The following PRKCE variants were observed in gnomAD, a reference collection of about 807,000 sequenced individuals.
PRKCE encodes protein kinase C epsilon, also known as protein kinase C epsilon type.
Under a neutral mutation model 85.4 loss-of-function variants are expected in PRKCE, and 16 were observed. The observed-to-expected ratio is 0.19, with a 90% CI of 0.13 to 0.28. The LOEUF is 0.28. Among genes scored for constraint, PRKCE ranks in the 10% least tolerant of loss-of-function variants. PRKCE has a pLI of 1.00. For missense variants in PRKCE, 573 were observed against 975.2 expected (o/e 0.59, Z 5.49); for synonymous variants, 388 against 371.5 (o/e 1.04, Z -0.51).
intron 2 of PRKCE, among the ~76,000 whole-genome samples, chr2:45,866,788 G>T (rs1693652680): frequency 1.3e-5 from 2 of 152,138 alleles, no homozygotes; most frequent in Non-Finnish European, 2.9e-5. Context: ...TGCGTCCAGG[G>T]GCTGCCATAC....
chr2:45,879,602 C>A (rs1332236530), intron 2 of PRKCE, among the ~76,000 whole-genome samples: 1 of 152,334 alleles, frequency 6.6e-6, no homozygotes, highest in Admixed American at 6.5e-5. Context: ...TGCCACAGGG[C>A]CCGAGTGGAG....
chr2:45,689,901 CAAA>C (rs559521203), intron 1 of PRKCE, among the ~76,000 whole-genome samples: 7 of 81,992 alleles, frequency 8.5e-5, no homozygotes, highest in Admixed American at 1.3e-4. Flanking sequence ...GACTCCATCT[CAAA>C]AAAAAAAAAA....
At position 46,159,525 on chromosome 2, in the gene PRKCE, T is replaced by C. The variant is rs1347067980; in HGVS notation, c.1921-81T>C. ...GGAGGCGATGCTGAAGATGCTGCTTTGGCTGACCTCCATCTGTCCCTTATA... is the reference window on the plus strand; with the variant it reads ...GGAGGCGATGCTGAAGATGCTGCTTCGGCTGACCTCCATCTGTCCCTTATA... On this transcript the variant is annotated intron_variant, in intron 13 of 14. Transcript: ENST00000306156. The surrounding 1 kb of genome is among the most constrained non-coding windows in gnomAD (Gnocchi z 4.1). 3 of 1,429,892 alleles carry C rather than the reference T, an allele frequency of 2.1e-6. No homozygotes were observed. The highest frequency in any genetic ancestry group is 5.2e-5 in the Admixed American group (2 of 38,722). 88.6% of individuals were successfully genotyped at this position (1,429,892 alleles called of 1,614,324 possible).
intron 10 of PRKCE, among the ~76,000 whole-genome samples, chr2:46,052,347 C>G (rs1020189500): frequency 6.6e-6 from 1 of 152,182 alleles, no homozygotes; most frequent in Non-Finnish European, 1.5e-5. Flanking sequence ...GTTCTTTATA[C>G]TAGCAATGAA....
intron 2 of PRKCE, among the ~76,000 whole-genome samples, chr2:45,867,006 C>T (rs552666615): frequency 6.6e-6 from 1 of 152,336 alleles, no homozygotes; most frequent in East Asian, 1.9e-4. Context: ...AGGTCCCACT[C>T]CAGACCAGCT....
At chr2:46,090,501 C>T (rs957691818) in intron 11 of PRKCE, among the ~76,000 whole-genome samples, 3 of 152,150 alleles carry the variant, frequency 2.0e-5, no homozygotes, top group African/African-American at 4.8e-5. Flanking sequence ...TAAGACAGTA[C>T]CCTACTGGCA....
At position 45,652,193 on chromosome 2, in the gene PRKCE, C is replaced by T; in HGVS notation, c.93C>T (p.Pro31=). The change falls in exon 1 of 15, where the codon CCC becomes CCT. Residue 31 remains proline (P), a synonymous_variant. Transcript: ENST00000306156. The surrounding 1 kb of genome is among the most constrained non-coding windows in gnomAD (Gnocchi z 7.7). ...TAWSLRHAVG[P]RPQTFLLDPY... is the part of the protein sequence containing the mutation. ...GGTCGCTGCGCCATGCGGTGGGACC[C>T]CGGCCGCAGACTTTCCTTCTCGACC... 6.2e-7 allele frequency: 1 copy of T among 1,613,586 alleles called. No individual in the cohort carries two copies. The highest frequency in any genetic ancestry group is 8.5e-7 in the Non-Finnish European group (1 of 1,179,930).
rs555267971 is a variant in PRKCE at position 45,960,539 on chromosome 2, A to G, written c.413-15890A>G. On this transcript the variant is annotated intron_variant, in intron 2 of 14. Transcript: ENST00000306156. ...AGATCCCTCACGTGTGCAGTTTACA[A>G]TAGGGTTCCCGCTCCTATGAGAATC... 1.6e-4 allele frequency among the ~76,000 whole-genome samples: 24 copies of G among 152,244 alleles called. No individual in the cohort carries two copies. In the South Asian group the frequency reaches 4.8e-3, roughly 30 times the overall value.
intron 10 of PRKCE, among the ~76,000 whole-genome samples, chr2:46,025,225 A>G (rs1707008430): frequency 6.6e-6 from 1 of 152,228 alleles, no homozygotes; most frequent in Non-Finnish European, 1.5e-5. Flanking sequence ...CAGCAGTGCT[A>G]GGCAGAGTAA....
chr2:45,802,271 G>C (rs1335899967), intron 1 of PRKCE, among the ~76,000 whole-genome samples: 4 of 151,970 alleles, frequency 2.6e-5, no homozygotes, highest in African/African-American at 9.7e-5. Context: ...TCATACATGA[G>C]TAAATAAATA....
chr2:45,744,176 A>C (rs1682832870), intron 1 of PRKCE, among the ~76,000 whole-genome samples: 1 of 152,200 alleles, frequency 6.6e-6, no homozygotes, highest in African/African-American at 2.4e-5. Context: ...GTTGTTTGTC[A>C]TGAGACATAA....
intron 1 of PRKCE, among the ~76,000 whole-genome samples, chr2:45,838,890 T>C (rs1277458886): frequency 1.3e-5 from 2 of 152,166 alleles, no homozygotes; most frequent in African/African-American, 4.8e-5. Context: ...AGAAATAACA[T>C]TGGACTAAGA....
chr2:46,105,524 ACC>A (rs1671636353), intron 11 of PRKCE, among the ~76,000 whole-genome samples: 1 of 151,208 alleles, frequency 6.6e-6, no homozygotes, highest in African/African-American at 2.4e-5. Context: ...ACAGATGCAT[ACC>A]TCAATCTGTG....
intron 2 of PRKCE, among the ~76,000 whole-genome samples, chr2:45,966,867 G>T (rs751303395): frequency 6.6e-5 from 10 of 152,240 alleles, no homozygotes; most frequent in Admixed American, 1.3e-4. Context: ...GTTCTGCAGG[G>T]TCAGGGATGA....
chr2:45,727,614 G>C (rs1681188502), intron 1 of PRKCE, among the ~76,000 whole-genome samples: 2 of 152,068 alleles, frequency 1.3e-5, no homozygotes. Flanking sequence ...GCATTGGTTG[G>C]ACTCTGCTTC....
intron 1 of PRKCE, among the ~76,000 whole-genome samples, chr2:45,815,841 T>C (rs1224107385): frequency 6.6e-6 from 1 of 152,198 alleles, no homozygotes; most frequent in Non-Finnish European, 1.5e-5. Context: ...TGCCTTCCAG[T>C]TAGGTGACCT....
intron 14 of PRKCE, among the ~76,000 whole-genome samples, chr2:46,166,050 T>A (rs1055903300): frequency 6.6e-6 from 1 of 152,214 alleles, no homozygotes; most frequent in African/African-American, 2.4e-5. Flanking sequence ...CTCAACCTCA[T>A]GATCCGTTTC....
rs375079336 is a variant in PRKCE, at chr2:45,907,357, C to G, written c.412+64294C>G. ...GATATTGAGGAAATATCTGAATGCA[C>G]TGGATTGTGTCTGGGTTCAAAAGCC... On this transcript the variant is annotated intron_variant, in intron 2 of 14. Transcript: ENST00000306156. The surrounding 1 kb of genome is among the most constrained non-coding windows in gnomAD (Gnocchi z 4.5). Among the ~76,000 whole-genome samples the G allele has an allele frequency of 1.9e-3, 287 of 152,324 alleles. 1 individual carries two copies. The highest frequency in any genetic ancestry group is 6.6e-3 in the African/African-American group (276 of 41,568).
At chr2:45,817,365 A>T (rs1207324150) in intron 1 of PRKCE, among the ~76,000 whole-genome samples, 1 of 152,172 alleles carries the variant, frequency 6.6e-6, no homozygotes, top group South Asian at 2.1e-4. Context: ...TCAGCTTCAA[A>T]GTTAAGTCTT....
Sources: gnomAD v4.1 joint callset for allele counts (sites outside exome capture counted in the v4.1 genomes callset) on GRCh38, gnomAD v4.1.1 for gene constraint, Gnocchi (gnomAD v3.1) non-coding constraint, MANE v1.5 for transcripts, NCBI Gene and HGNC (gene_info 2026-07-23, HGNC 2026-07-21) for gene names.